LDAH: variants seen among roughly 807,000 people sequenced by gnomAD.
The protein encoded by LDAH is lipid droplet associated hydrolase.
A neutral mutation model predicts 29.6 loss-of-function variants in LDAH; 26 were observed. The observed-to-expected ratio is 0.88, with a 90% CI of 0.64 to 1.22. LDAH has a LOEUF of 1.22. Among genes scored for constraint, LDAH ranks in the 50% most tolerant of loss-of-function variants. The probability of loss-of-function intolerance (pLI) is 0.00; values close to 1 mark genes in which losing one functional copy is unlikely to be tolerated. For synonymous variants in LDAH, 117 were observed against 133.0 expected (o/e 0.88, Z 0.83); for missense variants, 344 against 387.3 (o/e 0.89, Z 0.94).
chr2:20,821,267 T>C (rs1215051381), intron 1 of LDAH, among the ~76,000 whole-genome samples: 2 of 152,216 alleles, frequency 1.3e-5, no homozygotes, highest in Non-Finnish European at 2.9e-5. Context: ...CATTACTGGG[T>C]ATATACCCAA....
At chr2:20,768,950 A>T (rs990611390) in intron 4 of LDAH, among the ~76,000 whole-genome samples, 2 of 152,158 alleles carry the variant, frequency 1.3e-5, no homozygotes, top group Non-Finnish European at 2.9e-5. Flanking sequence ...GACTGCTATC[A>T]TCAGAGATCC....
At chr2:20,750,783 T>C (rs1667915942) in intron 4 of LDAH, among the ~76,000 whole-genome samples, 1 of 152,042 alleles carries the variant, frequency 6.6e-6, no homozygotes, top group African/African-American at 2.4e-5. Flanking sequence ...GTAGACTGGA[T>C]AAAGAAAATA....
rs12467020 is a variant in LDAH, at chr2:20,694,662, C to T, written c.786+6908G>A. On this transcript the variant is annotated intron_variant, in intron 6 of 6. Transcript: ENST00000237822. ...TGGAGGTGAAAACACAAATGCTTCC[C>T]GCCCGTGAACCCTGCTTCTCTCTGC... Among the ~76,000 whole-genome samples the T allele has an allele frequency of 6.8e-4, 103 of 152,126 alleles. 6 individuals are homozygous for T. The highest frequency in any genetic ancestry group is 1.9e-4 in the East Asian group (1 of 5,186).
intron 5 of LDAH, among the ~76,000 whole-genome samples, chr2:20,733,397 A>ATTTT (rs34191708): frequency 1.8e-5 from 2 of 111,906 alleles, no homozygotes; most frequent in Non-Finnish European, 3.6e-5. Context: ...ATGCCTGGCT[A>ATTTT]TTTTTTTTTT....
intron 3 of LDAH, among the ~76,000 whole-genome samples, chr2:20,789,977 C>A (rs552920055): frequency 6.6e-6 from 1 of 152,160 alleles, no homozygotes; most frequent in Non-Finnish European, 1.5e-5. Flanking sequence ...TAGAACAACC[C>A]TGGAAAAATA....
chr2:20,713,367 A>G (rs1216068647), intron 5 of LDAH, among the ~76,000 whole-genome samples: 1 of 152,242 alleles, frequency 6.6e-6, no homozygotes. Flanking sequence ...GGCCTGCCTT[A>G]CAAGAGCTCC....
At position 20,813,714 on chromosome 2, in the gene LDAH, G is replaced by C. The variant is rs114815938; in HGVS notation, c.-3+9323C>G. Among the ~76,000 whole-genome samples, 1,391 of 152,258 alleles carry C rather than the reference G, an allele frequency of 9.1e-3. 30 individuals carry two copies. The highest frequency in any genetic ancestry group is 0.032 in the African/African-American group (1,330 of 41,538). The stretch of plus-strand genomic sequence containing the variant: ...GATGTAGAATGGTATCTTTCCCTCT[G>C]CAACCCTATCATCACTAAGTGATAC... On this transcript the variant is annotated intron_variant, in intron 1 of 6. Transcript: ENST00000237822.
intron 5 of LDAH, among the ~76,000 whole-genome samples, chr2:20,704,124 G>A (rs1664145867): frequency 6.6e-6 from 1 of 152,202 alleles, no homozygotes; most frequent in African/African-American, 2.4e-5. Flanking sequence ...AGATACTTGG[G>A]TTAGCAGCAC....
Position 20,691,309 on chromosome 2 carries a change from GAATC to G in LDAH, c.787-4219_787-4216del, listed in dbSNP as rs1396501627. On this transcript the variant is annotated intron_variant, in intron 6 of 6. Coordinates refer to ENST00000237822, the MANE Select transcript of LDAH (RefSeq NM_021925.4). Reference sequence around the variant, plus strand: ...CGCACATCAGCTTCCAGGGTAGCTGGAATCACAAGCGCATGCCACCATGCTCAGC... The same window carrying G: ...CGCACATCAGCTTCCAGGGTAGCTGGACAAGCGCATGCCACCATGCTCAGC... 3.3e-5 allele frequency among the ~76,000 whole-genome samples: 5 copies of G among 152,184 alleles called. No individual in the cohort carries two copies. In the East Asian group the frequency reaches 9.7e-4, roughly 29 times the overall value.
intron 5 of LDAH, among the ~76,000 whole-genome samples, chr2:20,736,483 A>G (rs1008101894): frequency 6.6e-6 from 1 of 152,118 alleles, no homozygotes; most frequent in African/African-American, 2.4e-5. Flanking sequence ...AAAGTATTGA[A>G]AACCAGAATA....
chr2:20,743,311 CTTTT>C (rs56001378), intron 4 of LDAH, among the ~76,000 whole-genome samples: 1 of 136,052 alleles, frequency 7.4e-6, no homozygotes, highest in Non-Finnish European at 1.5e-5. Context: ...TCCAAGTCCA[CTTTT>C]TTTTTTTTTT....
In LDAH at chr2:20,685,046, C is replaced by A; in HGVS notation, c.*1857G>T. The A allele has an allele frequency of 8.1e-7, 1 of 1,228,152 alleles. No homozygotes were observed. Among genetic ancestry groups the A allele is most frequent in the Non-Finnish European group, 1.1e-6 (1 of 919,586 alleles). The allele number at this position is 1,228,152 out of a possible 1,614,324, so 76.1% of individuals were successfully genotyped here. A position where few individuals can be genotyped will look rare whatever the true frequency, so the allele number is the denominator to read the frequency against. On this transcript the variant is annotated 3_prime_UTR_variant, in exon 7 of 7. Transcript: ENST00000237822. ...TGCCCAACACAGAGATCAGGCCAGA[C>A]CAGGTCAGAAATGCTGGTAAAACAT...
chr2:20,748,293 G>GA (rs558889848), intron 4 of LDAH, among the ~76,000 whole-genome samples: 2,009 of 150,140 alleles, frequency 0.013, 41 homozygotes, highest in African/African-American at 0.046. Flanking sequence ...ACCTGAATGT[G>GA]AAAAAAAAAG....
At chr2:20,725,143 G>GA (rs1188831049) in intron 5 of LDAH, among the ~76,000 whole-genome samples, 4 of 152,034 alleles carry the variant, frequency 2.6e-5, no homozygotes, top group Admixed American at 2.6e-4. Flanking sequence ...CGTTTACAAG[G>GA]AAAAATCACT....
rs763155383 is a variant in LDAH, at chr2:20,729,541, C to A, written c.703+10430G>T. On this transcript the variant is annotated intron_variant, in intron 5 of 6. Transcript: ENST00000237822. Reference sequence around the variant, plus strand: ...CAGCCCTGGGACTCTGGGTCCTCAACCTTCTCAATGTCTCAAGGACAAGGA... The same window carrying A: ...CAGCCCTGGGACTCTGGGTCCTCAAACTTCTCAATGTCTCAAGGACAAGGA... Among the ~76,000 whole-genome samples, 45 of 152,176 alleles carry A rather than the reference C, an allele frequency of 3.0e-4. 1 individual carries two copies. Among genetic ancestry groups the A allele is most frequent in the Admixed American group, 1.3e-4 (2 of 15,280 alleles).
At chr2:20,767,183 G>A (rs1330510933) in intron 4 of LDAH, among the ~76,000 whole-genome samples, 2 of 152,214 alleles carry the variant, frequency 1.3e-5, no homozygotes, top group African/African-American at 2.4e-5. Flanking sequence ...CTGTGAGGGG[G>A]TGCAGCTGGG....
At chr2:20,788,546 A>G (rs1441264773) in intron 3 of LDAH, among the ~76,000 whole-genome samples, 2 of 152,240 alleles carry the variant, frequency 1.3e-5, no homozygotes, top group Non-Finnish European at 2.9e-5. Flanking sequence ...ATGCATATAT[A>G]ATAACGAAGA....
intron 3 of LDAH, among the ~76,000 whole-genome samples, chr2:20,787,751 A>G (rs1292611634): frequency 6.6e-6 from 1 of 152,212 alleles, no homozygotes; most frequent in Non-Finnish European, 1.5e-5. Context: ...AACAGGTAAT[A>G]AGCAAATAAA....
At chr2:20,804,418 C>G (rs1359721454) in intron 1 of LDAH, among the ~76,000 whole-genome samples, 1 of 152,050 alleles carries the variant, frequency 6.6e-6, no homozygotes, top group Admixed American at 6.5e-5. Flanking sequence ...CTAATTATAA[C>G]AGTGAAAAGC....
Sources: gnomAD v4.1 joint callset for allele counts (sites outside exome capture counted in the v4.1 genomes callset) on GRCh38, gnomAD v4.1.1 for gene constraint, MANE v1.5 for transcripts, NCBI Gene and HGNC (gene_info 2026-07-23, HGNC 2026-07-21) for gene names.